AVP: variants seen among roughly 807,000 people sequenced by gnomAD.
AVP encodes the protein arginine vasopressin.
Under a neutral mutation model 11.1 loss-of-function variants are expected in AVP, and 9 were observed. That is an observed-to-expected ratio of 0.81 (90% confidence interval 0.49 to 1.42). AVP has a LOEUF of 1.42. Ranked by LOEUF, AVP falls within the 40% of genes most tolerant of loss-of-function variation. The pLI is 0.00. For missense variants in AVP, 206 were observed against 238.5 expected, an observed-to-expected ratio of 0.86 and a Z score of 0.90; for synonymous variants, 106 against 111.3, an observed-to-expected ratio of 0.95 and a Z score of 0.30.
rs2148570640 is a variant in AVP, at chr20:3,082,839, C to T, written c.323-37G>A. ...ACGTGTGAGCACGGGCGCCCTGGGGCGGGCGCAGCTCGGGGTGCGGGGGGC... is the reference window on the plus strand; with the variant it reads ...ACGTGTGAGCACGGGCGCCCTGGGGTGGGCGCAGCTCGGGGTGCGGGGGGC... On this transcript the variant is annotated intron_variant, in intron 2 of 2. Coordinates refer to ENST00000380293, the MANE Select transcript of AVP (RefSeq NM_000490.5). This position sits in a 1 kb window ranked among gnomAD's most constrained non-coding sequence, Gnocchi z 4.7. The T allele has an allele frequency of 8.2e-7, 1 of 1,221,116 alleles. No homozygotes were observed. The highest frequency in any genetic ancestry group is 1.0e-6 in the Non-Finnish European group (1 of 981,872). 75.6% of individuals were successfully genotyped at this position (1,221,116 alleles called of 1,614,324 possible).
In AVP at chr20:3,083,246, C is replaced by T; in HGVS notation, c.121-68G>A. ...GTCGAGGGGTTGGAGGGGAACGCAG[C>T]GAGGCGGGGATGCTGGGGTCCAGGG... is the stretch of plus-strand genomic sequence containing the variant. On this transcript the variant is annotated intron_variant, in intron 1 of 2. Coordinates refer to ENST00000380293, the MANE Select transcript of AVP (RefSeq NM_000490.5). This position sits in a 1 kb window ranked among gnomAD's most constrained non-coding sequence, Gnocchi z 5.4. The T allele has an allele frequency of 1.5e-6, 2 of 1,359,290 alleles. No homozygotes were observed. Among genetic ancestry groups the T allele is most frequent in the Non-Finnish European group, 1.9e-6 (2 of 1,050,022 alleles). The allele number at this position is 1,359,290 out of a possible 1,614,324, so 84.2% of individuals were successfully genotyped here.
rs774251966 is a variant in AVP, at chr20:3,084,554, C to T, written c.120+1G>A. On this transcript the variant is annotated splice_donor_variant, in intron 1 of 2. Transcript: ENST00000380293. LOFTEE classifies it high-confidence loss of function. Reference sequence around the variant, plus strand: ...CTGAGATGGCCCACAGTGGGAAGTACCTGTCTCAGCTCCAGGTCGGACATG... The same window carrying T: ...CTGAGATGGCCCACAGTGGGAAGTATCTGTCTCAGCTCCAGGTCGGACATG... The T allele has an allele frequency of 3.2e-5, 52 of 1,613,800 alleles. No individual in the cohort carries two copies. Among genetic ancestry groups the T allele is most frequent in the Non-Finnish European group, 4.2e-5 (50 of 1,180,040 alleles).
In AVP at chr20:3,083,969, G is replaced by A. The variant is rs1218683146; in HGVS notation, c.120+586C>T. On this transcript the variant is annotated intron_variant, in intron 1 of 2. Coordinates refer to ENST00000380293, the MANE Select transcript of AVP (RefSeq NM_000490.5). This position sits in a 1 kb window ranked among gnomAD's most constrained non-coding sequence, Gnocchi z 5.4. ...CTCATCATTGAGCCTGGACAGAATT[G>A]CATGCACATCGTGATTGGATTTCCT... Among the ~76,000 whole-genome samples the A allele has an allele frequency of 6.6e-6, 1 of 152,240 alleles. No individual in the cohort carries two copies. The highest frequency in any genetic ancestry group is 1.5e-5 in the Non-Finnish European group (1 of 68,042).
At position 3,083,189 on chromosome 20, in the gene AVP, G is replaced by T. The variant is rs932479311; in HGVS notation, c.121-11C>A. 1 of 1,468,276 alleles carries T rather than the reference G, an allele frequency of 6.8e-7. No individual in the cohort carries two copies. Among genetic ancestry groups the T allele is most frequent in the African/African-American group, 1.5e-5 (1 of 68,434 alleles). The allele number at this position is 1,468,276 out of a possible 1,614,324, so 91.0% of individuals were successfully genotyped here. ...GCCGCAGGGGAGGCACTGCGGGGAC[G>T]GGCGGGGTGAGCGGGAGGAGGGGAG... On this transcript the variant is annotated splice_polypyrimidine_tract_variant and intron_variant, in intron 1 of 2. Transcript: ENST00000380293. The surrounding 1 kb of genome is among the most constrained non-coding windows in gnomAD (Gnocchi z 5.4).
rs1046659323 is a variant in AVP, at chr20:3,083,933, T to C, written c.120+622A>G. 5.9e-5 allele frequency among the ~76,000 whole-genome samples: 9 copies of C among 152,202 alleles called. No homozygotes were observed. The highest frequency in any genetic ancestry group is 5.2e-4 in the Admixed American group (8 of 15,288). On this transcript the variant is annotated intron_variant, in intron 1 of 2. Transcript: ENST00000380293. This position sits in a 1 kb window ranked among gnomAD's most constrained non-coding sequence, Gnocchi z 5.4. Reference sequence around the variant, plus strand: ...TTAGCTGAGCCTGGTGTGGTCTAATTTGCTCAAGGGCTCATCATTGAGCCT... The same window carrying C: ...TTAGCTGAGCCTGGTGTGGTCTAATCTGCTCAAGGGCTCATCATTGAGCCT...
chr20:3,084,641 C>A lies in AVP; in HGVS notation c.34G>T (p.Gly12Cys), dbSNP rs747930681. 2.5e-6 allele frequency: 4 copies of A among 1,613,702 alleles called. No individual in the cohort carries two copies. The highest frequency in any genetic ancestry group is 3.4e-6 in the Non-Finnish European group (4 of 1,180,026). Residue 12 changes from glycine to cysteine, a missense_variant, in exon 1 of 3, where the codon GGC becomes TGC. Coordinates refer to ENST00000380293, the MANE Select transcript of AVP (RefSeq NM_000490.5). Reference protein sequence around the residue: ...PDTMLPACFLGLLAFSSACYF... With the variant: ...PDTMLPACFLCLLAFSSACYF... Reference sequence around the variant, plus strand: ...CACGCGGAGGAGAAGGCCAGTAGGCCGAGGAAGCAGGCGGGCAGCATGGTG... The same window carrying A: ...CACGCGGAGGAGAAGGCCAGTAGGCAGAGGAAGCAGGCGGGCAGCATGGTG...
In AVP at chr20:3,082,803, C is replaced by A; in HGVS notation, c.323-1G>T. The A allele has an allele frequency of 8.1e-7, 1 of 1,241,632 alleles. No homozygotes were observed. The highest frequency in any genetic ancestry group is 3.2e-5 in the South Asian group (1 of 31,454). The allele number at this position is 1,241,632 out of a possible 1,614,324, so 76.9% of individuals were successfully genotyped here. On this transcript the variant is annotated splice_acceptor_variant, in intron 2 of 2. Coordinates refer to ENST00000380293, the MANE Select transcript of AVP (RefSeq NM_000490.5). LOFTEE classifies it high-confidence loss of function. The surrounding 1 kb of genome is among the most constrained non-coding windows in gnomAD (Gnocchi z 4.7). The stretch of plus-strand genomic sequence containing the variant: ...CACTCGGGCTCGGTCACGCAGCTCT[C>A]TGCCGGGAGGACGTGTGAGCACGGG...
rs1600332489 is a variant in AVP at position 3,083,304 on chromosome 20, C to T, written c.121-126G>A. On this transcript the variant is annotated intron_variant, in intron 1 of 2. Coordinates refer to ENST00000380293, the MANE Select transcript of AVP (RefSeq NM_000490.5). This position sits in a 1 kb window ranked among gnomAD's most constrained non-coding sequence, Gnocchi z 5.4. The stretch of plus-strand genomic sequence containing the variant: ...TGCGGGCGGGACACCGGGGCTGCGG[C>T]TGCAGGCACGCTCGGGCGCCACTGG... 3 of 1,073,576 alleles carry T rather than the reference C, an allele frequency of 2.8e-6. No individual in the cohort carries two copies. The highest frequency in any genetic ancestry group is 3.7e-6 in the Non-Finnish European group (3 of 809,022). The allele number at this position is 1,073,576 out of a possible 1,614,324, so 66.5% of individuals were successfully genotyped here.
At position 3,082,840 on chromosome 20, in the gene AVP, G is replaced by C; in HGVS notation, c.323-38C>G. The C allele has an allele frequency of 2.5e-6, 3 of 1,221,104 alleles. No individual in the cohort carries two copies. The highest frequency in any genetic ancestry group is 3.1e-6 in the Non-Finnish European group (3 of 981,860). The allele number at this position is 1,221,104 out of a possible 1,614,324, so 75.6% of individuals were successfully genotyped here. A position where few individuals can be genotyped will look rare whatever the true frequency, so the allele number is the denominator to read the frequency against. On this transcript the variant is annotated intron_variant, in intron 2 of 2. Coordinates refer to ENST00000380293, the MANE Select transcript of AVP (RefSeq NM_000490.5). This position sits in a 1 kb window ranked among gnomAD's most constrained non-coding sequence, Gnocchi z 4.7. ...CGTGTGAGCACGGGCGCCCTGGGGC[G>C]GGCGCAGCTCGGGGTGCGGGGGGCC...
chr20:3,084,304 C>A (rs2066126626), intron 1 of AVP, among the ~76,000 whole-genome samples: 1 of 152,210 alleles, frequency 6.6e-6, no homozygotes, highest in Non-Finnish European at 1.5e-5. Flanking sequence ...CCCTCATTTC[C>A]CTGCATCCCT....
At position 3,082,835 on chromosome 20, in the gene AVP, G is replaced by T. The variant is rs2066117198; in HGVS notation, c.323-33C>A. ...GAGGACGTGTGAGCACGGGCGCCCT[G>T]GGGCGGGCGCAGCTCGGGGTGCGGG... On this transcript the variant is annotated intron_variant, in intron 2 of 2. Transcript: ENST00000380293. The surrounding 1 kb of genome is among the most constrained non-coding windows in gnomAD (Gnocchi z 4.7). The T allele has an allele frequency of 8.2e-7, 1 of 1,222,790 alleles. No individual in the cohort carries two copies. The highest frequency in any genetic ancestry group is 1.0e-6 in the Non-Finnish European group (1 of 982,798). The allele number at this position is 1,222,790 out of a possible 1,614,324, so 75.7% of individuals were successfully genotyped here.
rs1334773368 is a variant in AVP, at chr20:3,082,887, G to A, written c.323-85C>T. The A allele has an allele frequency of 4.9e-6, 6 of 1,219,798 alleles. No homozygotes were observed. The highest frequency in any genetic ancestry group is 6.1e-6 in the Non-Finnish European group (6 of 980,942). The allele number at this position is 1,219,798 out of a possible 1,614,324, so 75.6% of individuals were successfully genotyped here. A position where few individuals can be genotyped will look rare whatever the true frequency, so the allele number is the denominator to read the frequency against. On this transcript the variant is annotated intron_variant, in intron 2 of 2. Coordinates refer to ENST00000380293, the MANE Select transcript of AVP (RefSeq NM_000490.5). This position sits in a 1 kb window ranked among gnomAD's most constrained non-coding sequence, Gnocchi z 4.7. ...GGCCCACACCCTCCCTGCCGGGCCC[G>A]ACGCAGCCCCCACCCCGCCGCAGGC...
rs5195 is a variant in AVP at position 3,083,054 on chromosome 20, G to A, written c.245C>T (p.Pro82Leu). The A allele has an allele frequency of 2.5e-4, 397 of 1,560,994 alleles. 1 individual carries two copies. In the African/African-American group the frequency reaches 4.5e-3, roughly 18 times the overall value. ...CTTCTGGCCGGACTGGCAGGGCGACGGCAGGTAGTTCTCCTCCTGGCAGCG... is the reference window on the plus strand; with the variant it reads ...CTTCTGGCCGGACTGGCAGGGCGACAGCAGGTAGTTCTCCTCCTGGCAGCG... ...ALRCQEENYLPSPCQSGQKAC... is the reference protein window; with the variant it reads ...ALRCQEENYLLSPCQSGQKAC... Residue 82 changes from proline to leucine, a missense_variant, in exon 2 of 3, where the codon CCG becomes CTG. Pro to Leu is a moderately conservative substitution (Grantham distance 98). Coordinates refer to ENST00000380293, the MANE Select transcript of AVP (RefSeq NM_000490.5). This position sits in a 1 kb window ranked among gnomAD's most constrained non-coding sequence, Gnocchi z 5.4.
chr20:3,082,829 C>A lies in AVP; in HGVS notation c.323-27G>T, dbSNP rs1229302505. On this transcript the variant is annotated intron_variant, in intron 2 of 2. Transcript: ENST00000380293. The surrounding 1 kb of genome is among the most constrained non-coding windows in gnomAD (Gnocchi z 4.7). ...TGCCGGGAGGACGTGTGAGCACGGG[C>A]GCCCTGGGGCGGGCGCAGCTCGGGG... 5 of 1,223,258 alleles carry A rather than the reference C, an allele frequency of 4.1e-6. No individual in the cohort carries two copies. Among genetic ancestry groups the A allele is most frequent in the Admixed American group, 4.4e-5 (1 of 22,648 alleles). 75.8% of individuals were successfully genotyped at this position (1,223,258 alleles called of 1,614,324 possible).
Position 3,084,718 on chromosome 20 carries a change from G to A in AVP, c.-44C>T, listed in dbSNP as rs1015879161. 3.1e-6 allele frequency: 5 copies of A among 1,609,764 alleles called. No individual in the cohort carries two copies. The highest frequency in any genetic ancestry group is 3.4e-6 in the Non-Finnish European group (4 of 1,179,916). On this transcript the variant is annotated 5_prime_UTR_variant, in exon 1 of 3. Coordinates refer to ENST00000380293, the MANE Select transcript of AVP (RefSeq NM_000490.5). Reference sequence around the variant, plus strand: ...ACCCCGTATGCAGCACTGCTTGGTGGCTCTGTGCTGCTGCCTCTGCTGGCT... The same window carrying A: ...ACCCCGTATGCAGCACTGCTTGGTGACTCTGTGCTGCTGCCTCTGCTGGCT...
rs1194125591 is a variant in AVP, at chr20:3,082,861, G to A, written c.323-59C>T. On this transcript the variant is annotated intron_variant, in intron 2 of 2. Transcript: ENST00000380293. The surrounding 1 kb of genome is among the most constrained non-coding windows in gnomAD (Gnocchi z 4.7). ...GGGCGGGCGCAGCTCGGGGTGCGGG[G>A]GGCCCACACCCTCCCTGCCGGGCCC... 1.6e-6 allele frequency: 2 copies of A among 1,219,648 alleles called. No homozygotes were observed. The highest frequency in any genetic ancestry group is 2.0e-6 in the Non-Finnish European group (2 of 981,022). 75.6% of individuals were successfully genotyped at this position (1,219,648 alleles called of 1,614,324 possible). A position where few individuals can be genotyped will look rare whatever the true frequency, so the allele number is the denominator to read the frequency against.
Position 3,082,680 on chromosome 20 carries a change from G to C in AVP, c.445C>G (p.Leu149Val), listed in dbSNP as rs926643351. Residue 149 changes from leucine to valine, a missense_variant, in exon 3 of 3, where the codon CTG becomes GTG. Around this residue, in one of 2 missense-constraint regions of AVP, gnomAD observed 106 missense variants for 89.2 expected, o/e 1.19. Coordinates refer to ENST00000380293, the MANE Select transcript of AVP (RefSeq NM_000490.5). The surrounding 1 kb of genome is among the most constrained non-coding windows in gnomAD (Gnocchi z 4.7). ...TCGAAGGGCTCGGGCGCCCCGGCCA[G>C]CTGCACCAGCCGCAGCAGCAAGGCC... ...AGALLLRLVQ[L>V]AGAPEPFEPA... The C allele has an allele frequency of 2.3e-6, 3 of 1,287,908 alleles. No homozygotes were observed. Among genetic ancestry groups the C allele is most frequent in the Non-Finnish European group, 2.9e-6 (3 of 1,021,024 alleles). The allele number at this position is 1,287,908 out of a possible 1,614,324, so 79.8% of individuals were successfully genotyped here.
chr20:3,084,538 C>CTGCCAT lies in AVP; in HGVS notation c.120+16_120+17insATGGCA, dbSNP rs1161431317. The stretch of plus-strand genomic sequence containing the variant: ...GCCCGCTATGGCAGCCCTGAGATGG[C>CTGCCAT]CCACAGTGGGAAGTACCTGTCTCAG... On this transcript the variant is annotated intron_variant, in intron 1 of 2. Transcript: ENST00000380293. 1.7e-5 allele frequency: 27 copies of CTGCCAT among 1,613,536 alleles called. No individual in the cohort carries two copies. The highest frequency in any genetic ancestry group is 2.3e-5 in the Non-Finnish European group (27 of 1,180,042).
chr20:3,082,895 C>CG lies in AVP; in HGVS notation c.322+81_322+82insC. ...CCCTCCCTGCCGGGCCCGACGCAGC[C>CG]CCCACCCCGCCGCAGGCCCGCGTCC... On this transcript the variant is annotated intron_variant, in intron 2 of 2. Transcript: ENST00000380293. This position sits in a 1 kb window ranked among gnomAD's most constrained non-coding sequence, Gnocchi z 4.7. 8.4e-7 allele frequency: 1 copy of CG among 1,188,140 alleles called. No homozygotes were observed. Among genetic ancestry groups the CG allele is most frequent in the Non-Finnish European group, 1.1e-6 (1 of 950,936 alleles). 73.6% of individuals were successfully genotyped at this position (1,188,140 alleles called of 1,614,324 possible). A position where few individuals can be genotyped will look rare whatever the true frequency, so the allele number is the denominator to read the frequency against.
Sources: gnomAD v4.1 joint callset for allele counts (sites outside exome capture counted in the v4.1 genomes callset) on GRCh38, gnomAD v4.1.1 for gene constraint, gnomAD v4.1.1 regional missense constraint, Gnocchi (gnomAD v3.1) non-coding constraint, MANE v1.5 for transcripts, NCBI Gene and HGNC (gene_info 2026-07-23, HGNC 2026-07-21) for gene names.